The following SAMSN1 variants were observed in gnomAD, a reference collection of about 807,000 sequenced individuals.
SAMSN1 encodes SAM domain, SH3 domain and nuclear localization signals 1.
A neutral mutation model predicts 42.0 loss-of-function variants in SAMSN1; 31 were observed. The observed-to-expected ratio is 0.74, with a 90% CI of 0.55 to 1.00. The LOEUF (loss-of-function observed/expected upper bound fraction) is 1.00. Ranked by LOEUF, SAMSN1 falls within the 50% of genes least tolerant of loss-of-function variation. The probability of loss-of-function intolerance (pLI) is 0.00; values close to 1 mark genes in which losing one functional copy is unlikely to be tolerated. For synonymous variants in SAMSN1, 178 were observed against 151.9 expected, an observed-to-expected ratio of 1.17 and a Z score of -1.26; for missense variants, 464 against 439.4, an observed-to-expected ratio of 1.06 and a Z score of -0.50.
At chr21:14,515,330 A>G (rs1177395653) in intron 3 of SAMSN1, among the ~76,000 whole-genome samples, 1 of 152,224 alleles carries the variant, frequency 6.6e-6, no homozygotes. Flanking sequence ...TTTATGATCC[A>G]TATATTTATG....
chr21:14,628,880 C>T (rs1363709236), intron 2 of SAMSN1, among the ~76,000 whole-genome samples: 1 of 152,140 alleles, frequency 6.6e-6, no homozygotes, highest in Non-Finnish European at 1.5e-5. Flanking sequence ...ATCCTCACAA[C>T]AATCTGTAGG....
chr21:14,539,369 G>C (rs944628231), intron 1 of SAMSN1, among the ~76,000 whole-genome samples: 19 of 152,274 alleles, frequency 1.2e-4, no homozygotes, highest in Middle Eastern at 3.4e-3. Context: ...GTTTGCAGAT[G>C]ACATGATTGT....
chr21:14,563,715 T>G (rs534403466), intron 2 of SAMSN1, among the ~76,000 whole-genome samples: 15 of 152,316 alleles, frequency 9.8e-5, no homozygotes, highest in South Asian at 2.1e-4. Context: ...TACAAAGTTA[T>G]ATTTTAGAGA....
intron 2 of SAMSN1, among the ~76,000 whole-genome samples, chr21:14,581,796 G>C (rs530367573): frequency 1.7e-4 from 26 of 152,078 alleles, no homozygotes; most frequent in Non-Finnish European, 3.1e-4. Flanking sequence ...ATTAAAATTA[G>C]CTATTATTTT....
intron 1 of SAMSN1, among the ~76,000 whole-genome samples, chr21:14,537,256 C>A (rs1979684718): frequency 6.6e-6 from 1 of 152,186 alleles, no homozygotes; most frequent in Non-Finnish European, 1.5e-5. Flanking sequence ...GCCCAGAGTA[C>A]AGTTTCCTTC....
chr21:14,623,955 A>C (rs407446), intron 2 of SAMSN1, among the ~76,000 whole-genome samples: 25,789 of 152,146 alleles, frequency 0.17, 2,807 homozygotes, highest in African/African-American at 0.31. Context: ...TCAAACTAGA[A>C]CTCAGGATTA....
intron 5 of SAMSN1, among the ~76,000 whole-genome samples, chr21:14,504,859 G>A (rs1241060609): frequency 6.6e-6 from 1 of 152,184 alleles, no homozygotes; most frequent in Non-Finnish European, 1.5e-5. Context: ...AATGGACCAG[G>A]TAACCCATAA....
intron 6 of SAMSN1, among the ~76,000 whole-genome samples, chr21:14,599,408 C>T (rs1174176269): frequency 6.6e-6 from 1 of 152,174 alleles, no homozygotes; most frequent in Non-Finnish European, 1.5e-5. Context: ...TTCTCCTTAG[C>T]CTTCTGCCAT....
intron 2 of SAMSN1, among the ~76,000 whole-genome samples, chr21:14,625,846 G>C (rs556625730): frequency 6.6e-6 from 1 of 152,304 alleles, no homozygotes; most frequent in East Asian, 1.9e-4. Context: ...AAAGAACAAA[G>C]CTGGAGGCAT....
chr21:14,547,235 A>G (rs1370279095), upstream of SAMSN1, among the ~76,000 whole-genome samples: 1 of 152,208 alleles, frequency 6.6e-6, no homozygotes, highest in East Asian at 1.9e-4. Context: ...TCAATTAAAC[A>G]GAACCCCCAA....
At chr21:14,649,970 A>G (rs994770032) in intron 1 of SAMSN1, among the ~76,000 whole-genome samples, 1 of 152,198 alleles carries the variant, frequency 6.6e-6, no homozygotes, top group Non-Finnish European at 1.5e-5. Flanking sequence ...TGATAAAGGG[A>G]TCAATTCAGC....
intron 2 of SAMSN1, chr21:14,582,132 T>A: frequency 1.3e-6 from 2 of 1,538,660 alleles, no homozygotes; most frequent in Non-Finnish European, 1.8e-6. Flanking sequence ...GTCTGCAAAC[T>A]TACCCATGAA....
chr21:14,641,805 A>T, intron 2 of SAMSN1, among the ~76,000 whole-genome samples: 1 of 152,114 alleles, frequency 6.6e-6, no homozygotes, highest in South Asian at 2.1e-4. Context: ...ATTATAGTTG[A>T]CCCTTTAACA....
At position 14,486,078 on chromosome 21, in the gene SAMSN1, G is replaced by C; in HGVS notation, c.956C>G (p.Ser319Cys). 6.2e-7 allele frequency: 1 copy of C among 1,613,534 alleles called. No individual in the cohort carries two copies. The highest frequency in any genetic ancestry group is 1.1e-5 in the South Asian group (1 of 91,066). The change falls in exon 8 of 8, where the codon TCC (serine) becomes TGC (cysteine). Residue 319 changes from serine to cysteine, a missense_variant. Transcript: ENST00000400566. Reference sequence around the variant, plus strand: ...ATTTAAGGAGATGTCTGAGCTCAAGGATAGGGGCTCAGGTTCATTTTCTTG... The same window carrying C: ...ATTTAAGGAGATGTCTGAGCTCAAGCATAGGGGCTCAGGTTCATTTTCTTG... ...QEQENEPEPL[S>C]LSSDISLNKS...
chr21:14,499,951 T>G (rs1014372809), intron 6 of SAMSN1, among the ~76,000 whole-genome samples: 2 of 152,232 alleles, frequency 1.3e-5, no homozygotes, highest in African/African-American at 4.8e-5. Flanking sequence ...GTACACACTA[T>G]TTAACAAGGT....
chr21:14,609,157 T>A (rs1184393565), intron 5 of SAMSN1, among the ~76,000 whole-genome samples: 1 of 152,072 alleles, frequency 6.6e-6, no homozygotes, highest in East Asian at 1.9e-4. Flanking sequence ...TGCTCTAATT[T>A]TTAATATATT....
intron 2 of SAMSN1, among the ~76,000 whole-genome samples, chr21:14,576,069 C>G (rs1981451429): frequency 6.6e-6 from 1 of 152,104 alleles, no homozygotes; most frequent in African/African-American, 2.4e-5. Flanking sequence ...CTCACTTTGT[C>G]TGCAGTAAAG....
intron 3 of SAMSN1, among the ~76,000 whole-genome samples, chr21:14,514,880 G>A (rs1044582321): frequency 6.6e-6 from 1 of 152,152 alleles, no homozygotes; most frequent in Non-Finnish European, 1.5e-5. Context: ...AAGTGAAGAG[G>A]TCATAGCTAG....
intron 5 of SAMSN1, among the ~76,000 whole-genome samples, chr21:14,606,960 G>A (rs1982585472): frequency 6.6e-6 from 1 of 152,132 alleles, no homozygotes; most frequent in South Asian, 2.1e-4. Context: ...GGGCTGAAAT[G>A]CTATTAATAT....
Sources: gnomAD v4.1 joint callset for allele counts (sites outside exome capture counted in the v4.1 genomes callset) on GRCh38, gnomAD v4.1.1 for gene constraint, MANE v1.5 for transcripts, NCBI Gene and HGNC (gene_info 2026-07-23, HGNC 2026-07-21) for gene names.